Variants in CDIN1 observed in about 807,000 individuals in gnomAD.
CDIN1 encodes the protein CDAN1 interacting nuclease 1.
CDIN1 carries 33 observed loss-of-function variants against 45.3 expected under a neutral mutation model. The ratio of observed to expected loss-of-function variants is 0.73; its 90% CI spans 0.55 to 0.97. The LOEUF is 0.97. CDIN1 is among the 50% of genes least tolerant of loss of function. CDIN1 has a pLI of 0.00. For missense variants in CDIN1, 303 were observed against 339.4 expected (o/e 0.89, Z 0.84); for synonymous variants, 118 against 124.4 (o/e 0.95, Z 0.34).
chr15:36,677,983 C>A (rs773849238), intron 5 of CDIN1, among the ~76,000 whole-genome samples: 4 of 152,184 alleles, frequency 2.6e-5, no homozygotes, highest in Non-Finnish European at 5.9e-5. Flanking sequence ...TCTGAACACT[C>A]ATGCTTTGGA....
intron 1 of CDIN1, chr15:36,619,307 C>T (rs1253384289): frequency 1.2e-5 from 10 of 810,536 alleles, no homozygotes; most frequent in African/African-American, 3.5e-5. Context: ...TCTCTCTTCC[C>T]GTTAAACTTG....
At chr15:36,807,140 A>T (rs1236077609) in intron 10 of CDIN1, among the ~76,000 whole-genome samples, 1 of 152,214 alleles carries the variant, frequency 6.6e-6, no homozygotes, top group Admixed American at 6.5e-5. Flanking sequence ...TGGATCCCCA[A>T]ATAAACCAGG....
chr15:36,610,724 T>A (rs1740153903), intron 1 of CDIN1, among the ~76,000 whole-genome samples: 1 of 152,216 alleles, frequency 6.6e-6, no homozygotes, highest in African/African-American at 2.4e-5. Flanking sequence ...AAATTAAGTG[T>A]CCACAGAATT....
intron 10 of CDIN1, among the ~76,000 whole-genome samples, chr15:36,723,619 G>A (rs1188798328): frequency 1.3e-5 from 2 of 152,100 alleles, no homozygotes; most frequent in Non-Finnish European, 2.9e-5. Context: ...AGGCTAGAAT[G>A]AAGTGGGCAC....
intron 10 of CDIN1, among the ~76,000 whole-genome samples, chr15:36,768,522 C>T (rs1019736729): frequency 1.3e-4 from 18 of 140,066 alleles, no homozygotes; most frequent in African/African-American, 4.1e-4. Context: ...AACTTCTCGC[C>T]TCTGGCCAGC....
At chr15:36,742,005 A>C (rs1334336355) in intron 10 of CDIN1, among the ~76,000 whole-genome samples, 1 of 152,206 alleles carries the variant, frequency 6.6e-6, no homozygotes, top group Non-Finnish European at 1.5e-5. Context: ...ATCAGATTCA[A>C]AATCTTAACC....
At chr15:36,719,771 A>C (rs1215040129) in intron 10 of CDIN1, among the ~76,000 whole-genome samples, 1 of 152,112 alleles carries the variant, frequency 6.6e-6, no homozygotes, top group Non-Finnish European at 1.5e-5. Flanking sequence ...TTTTGGTGAA[A>C]GATTTTTAAC....
chr15:36,769,059 T>C (rs1465548006), intron 10 of CDIN1, among the ~76,000 whole-genome samples: 3 of 152,186 alleles, frequency 2.0e-5, no homozygotes, highest in Admixed American at 6.5e-5. Context: ...GAATCATCCC[T>C]GGGCCTTCTG....
chr15:36,665,113 C>T (rs1026119481), intron 5 of CDIN1, among the ~76,000 whole-genome samples: 5 of 152,220 alleles, frequency 3.3e-5, no homozygotes, highest in South Asian at 2.1e-4. Context: ...GATAAAAAGT[C>T]GTATCTTTGG....
chr15:36,589,510 TC>T (rs2037465624), intron 1 of CDIN1, among the ~76,000 whole-genome samples: 2 of 50,146 alleles, frequency 4.0e-5, no homozygotes, highest in South Asian at 1.3e-3. Context: ...ATTTCTTTTT[TC>T]TTTTTTTTTT....
chr15:36,790,083 ATTGCCATATGTG>A (rs755556195), intron 10 of CDIN1: 7 of 152,210 alleles, frequency 4.6e-5, no homozygotes, highest in Non-Finnish European at 1.0e-4. Context: ...GTGGTGGTAA[ATTGCCATATGTG>A]TCCCCGTTAT....
chr15:36,593,144 G>A (rs2037661238), intron 1 of CDIN1, among the ~76,000 whole-genome samples: 1 of 152,126 alleles, frequency 6.6e-6, no homozygotes, highest in Non-Finnish European at 1.5e-5. Flanking sequence ...TTATATTATT[G>A]GAACCATTAC....
chr15:36,628,620 C>T (rs940721700), intron 1 of CDIN1, among the ~76,000 whole-genome samples: 1 of 151,894 alleles, frequency 6.6e-6, no homozygotes, highest in Non-Finnish European at 1.5e-5. Flanking sequence ...ACATTTTGAA[C>T]CTGAGTTGAT....
In CDIN1 at chr15:36,621,519, C is replaced by G. The variant is rs575900284; in HGVS notation, c.102-22759C>G. On this transcript the variant is annotated intron_variant, in intron 1 of 10. Coordinates refer to ENST00000566621, the MANE Select transcript of CDIN1 (RefSeq NM_001321759.2). Reference sequence around the variant, plus strand: ...TACACTATTTTTTAAAAATCACCTACTAGGTGAAACATACAATGAAACTAC... The same window carrying G: ...TACACTATTTTTTAAAAATCACCTAGTAGGTGAAACATACAATGAAACTAC... Among the ~76,000 whole-genome samples the G allele has an allele frequency of 2.0e-5, 3 of 152,260 alleles. No individual in the cohort carries two copies. In the East Asian group the frequency reaches 5.8e-4, roughly 29 times the overall value.
At chr15:36,776,973 C>T (rs1348722515) in intron 10 of CDIN1, among the ~76,000 whole-genome samples, 2 of 152,134 alleles carry the variant, frequency 1.3e-5, no homozygotes, top group African/African-American at 2.4e-5. Context: ...CTGCATGAAG[C>T]GCTGTTTTCA....
intron 10 of CDIN1, chr15:36,734,357 C>A: frequency 2.3e-6 from 1 of 430,444 alleles, no homozygotes; most frequent in Non-Finnish European, 4.6e-6. Context: ...ATAAGAATTC[C>A]AGAGGTACTT....
chr15:36,775,103 A>G (rs983778822), intron 10 of CDIN1, among the ~76,000 whole-genome samples: 1 of 152,230 alleles, frequency 6.6e-6, no homozygotes. Context: ...AAACCTTACA[A>G]CATCCCCATT....
intron 5 of CDIN1, among the ~76,000 whole-genome samples, chr15:36,672,063 A>C (rs1004971584): frequency 6.6e-6 from 1 of 152,158 alleles, no homozygotes; most frequent in Non-Finnish European, 1.5e-5. Flanking sequence ...CAGAATTTTG[A>C]AACATTCAAA....
chr15:36,771,323 C>T (rs967360036), intron 10 of CDIN1, among the ~76,000 whole-genome samples: 1 of 151,984 alleles, frequency 6.6e-6, no homozygotes, highest in African/African-American at 2.4e-5. Flanking sequence ...GCACATTCTG[C>T]ACATGTATCC....
Sources: gnomAD v4.1 joint callset for allele counts (sites outside exome capture counted in the v4.1 genomes callset) on GRCh38, gnomAD v4.1.1 for gene constraint, MANE v1.5 for transcripts, NCBI Gene and HGNC (gene_info 2026-07-23, HGNC 2026-07-21) for gene names.